Variants in FER observed in about 807,000 individuals in gnomAD.
FER encodes the protein FER tyrosine kinase.
FER carries 63 observed loss-of-function variants against 111.0 expected under a neutral mutation model. The ratio of observed to expected loss-of-function variants is 0.57; its 90% confidence interval spans 0.46 to 0.70. The LOEUF is 0.70. FER is among the 30% of genes least tolerant of loss of function. The pLI is 0.00. For synonymous variants in FER, 327 were observed against 313.9 expected (o/e 1.04, Z -0.44); for missense variants, 914 against 954.0 (o/e 0.96, Z 0.55).
rs867741278 is a variant in FER, at chr5:108,879,705, T to A, written c.924-3691T>A. Among the ~76,000 whole-genome samples the A allele has an allele frequency of 9.6e-3, 1,241 of 128,612 alleles. 33 individuals are homozygous for A. Among genetic ancestry groups the A allele is most frequent in the African/African-American group, 0.04 (1,156 of 28,760 alleles). The allele number at this position is 128,612 out of a possible 152,430, so 84.4% of individuals were successfully genotyped here. ...ATTTTTTTTAGATTAAAAAAAAATA[T>A]ATATATATATATATATATATTTGAG... On this transcript the variant is annotated intron_variant, in intron 8 of 19. Transcript: ENST00000281092.
At chr5:109,159,169 T>C (rs1035351920) in intron 17 of FER, among the ~76,000 whole-genome samples, 4 of 152,122 alleles carry the variant, frequency 2.6e-5, no homozygotes, top group African/African-American at 9.7e-5. Context: ...TTTTCTATAT[T>C]TTATCAGTAA....
intron 3 of FER, among the ~76,000 whole-genome samples, chr5:108,805,908 A>C (rs1757154912): frequency 6.6e-6 from 1 of 152,312 alleles, no homozygotes; most frequent in East Asian, 1.9e-4. Context: ...ATTTTCTGAG[A>C]GAAATTCAAG....
At chr5:109,053,361 C>T (rs373100017) in intron 16 of FER, among the ~76,000 whole-genome samples, 6 of 126,640 alleles carry the variant, frequency 4.7e-5, no homozygotes, top group East Asian at 2.2e-4. Context: ...CCAGCCTCAG[C>T]GAAAGAGTGA....
chr5:109,013,718 T>C (rs1279601563), intron 13 of FER, among the ~76,000 whole-genome samples: 14 of 151,990 alleles, frequency 9.2e-5, no homozygotes, highest in Admixed American at 7.9e-4. Flanking sequence ...AGTGTTCCTA[T>C]TTCTCCACAT....
intron 1 of FER, among the ~76,000 whole-genome samples, chr5:108,762,038 G>C (rs984026720): frequency 6.6e-6 from 1 of 152,042 alleles, no homozygotes; most frequent in African/African-American, 2.4e-5. Context: ...AGCCTCCCAA[G>C]TAGCTGGGAC....
intron 13 of FER, among the ~76,000 whole-genome samples, chr5:109,031,673 A>C (rs73781923): frequency 6.6e-6 from 1 of 151,980 alleles, no homozygotes; most frequent in African/African-American, 2.4e-5. Context: ...TTGTGTATTC[A>C]CTCTATCTAG....
At chr5:109,046,450 T>C (rs1771985782) in intron 15 of FER, among the ~76,000 whole-genome samples, 1 of 152,132 alleles carries the variant, frequency 6.6e-6, no homozygotes, top group Non-Finnish European at 1.5e-5. Flanking sequence ...ATATTATAAT[T>C]TGAAGGGAGT....
At position 109,175,064 on chromosome 5, in the gene FER, T is replaced by C. The variant is rs77577222; in HGVS notation, c.2049-5683T>C. ...CAAATAGTACCCAGCATATAGTAAA[T>C]ACTATTTAAGTTGGTTTTAGGAGAA... On this transcript the variant is annotated intron_variant, in intron 17 of 19. Transcript: ENST00000281092. Among the ~76,000 whole-genome samples the C allele has an allele frequency of 2.3e-3, 351 of 152,294 alleles. 9 individuals are homozygous for C. In the East Asian group the frequency reaches 0.054, roughly 23 times the overall value.
intron 10 of FER, among the ~76,000 whole-genome samples, chr5:108,898,791 G>A (rs1281420449): frequency 1.3e-5 from 2 of 151,390 alleles, no homozygotes; most frequent in Non-Finnish European, 2.9e-5. Context: ...ACATTTGGTA[G>A]TATCACCAGA....
intron 17 of FER, among the ~76,000 whole-genome samples, chr5:109,140,985 A>G (rs1014653174): frequency 7.2e-5 from 11 of 152,130 alleles, no homozygotes; most frequent in African/African-American, 2.7e-4. Context: ...ATTCTTCCAT[A>G]TCTCGAGCAT....
At chr5:108,957,260 A>G (rs1288152254) in intron 12 of FER, among the ~76,000 whole-genome samples, 2 of 151,686 alleles carry the variant, frequency 1.3e-5, no homozygotes, top group African/African-American at 4.8e-5. Context: ...GCATTCATGC[A>G]TTCAAGACAT....
chr5:108,865,924 A>T (rs376914427), intron 5 of FER, among the ~76,000 whole-genome samples: 9,775 of 152,244 alleles, frequency 0.064, 423 homozygotes, highest in South Asian at 0.086. Flanking sequence ...ATCATTAAGA[A>T]GTCAGGAAAC....
chr5:108,831,007 G>A (rs1759988752), intron 3 of FER, among the ~76,000 whole-genome samples: 1 of 152,180 alleles, frequency 6.6e-6, no homozygotes, highest in Non-Finnish European at 1.5e-5. Flanking sequence ...GGTTGACAGA[G>A]TGGCAATATA....
chr5:108,826,192 A>G (rs1177985221), intron 3 of FER, among the ~76,000 whole-genome samples: 2 of 152,170 alleles, frequency 1.3e-5, no homozygotes. Flanking sequence ...GATCACATGA[A>G]GTTATTCATT....
chr5:109,025,965 C>T (rs1209013385), intron 13 of FER, among the ~76,000 whole-genome samples: 1 of 152,050 alleles, frequency 6.6e-6, no homozygotes, highest in Non-Finnish European at 1.5e-5. Flanking sequence ...TGCATTGCTT[C>T]CTTTGGAGGG....
At chr5:108,848,558 T>C (rs753064589) in intron 5 of FER, among the ~76,000 whole-genome samples, 10 of 152,130 alleles carry the variant, frequency 6.6e-5, no homozygotes, top group Non-Finnish European at 1.3e-4. Flanking sequence ...ATATATACCA[T>C]GTATATAGTA....
intron 13 of FER, among the ~76,000 whole-genome samples, chr5:109,029,220 CTTTTT>C: frequency 9.1e-6 from 1 of 109,970 alleles, no homozygotes; most frequent in African/African-American, 3.4e-5. Flanking sequence ...TTTAGGCTTT[CTTTTT>C]TTTTTTTTTT....
intron 5 of FER, among the ~76,000 whole-genome samples, chr5:108,862,645 G>A (rs1211572250): frequency 2.6e-5 from 4 of 152,136 alleles, no homozygotes; most frequent in East Asian, 1.9e-4. Flanking sequence ...TTAGAACACA[G>A]TACTCAAATA....
chr5:108,981,702 A>G (rs894264913), intron 13 of FER, among the ~76,000 whole-genome samples: 2 of 152,030 alleles, frequency 1.3e-5, no homozygotes, highest in African/African-American at 4.8e-5. Flanking sequence ...TACGAGGTGG[A>G]TATTATTTTC....
Sources: allele counts gnomAD v4.1 joint callset (sites outside exome capture counted in the v4.1 genomes callset), GRCh38; gene constraint gnomAD v4.1.1; transcripts MANE v1.5; gene names NCBI Gene and HGNC (gene_info 2026-07-23, HGNC 2026-07-21).